The following ZPBP variants were observed in gnomAD, a reference collection of about 807,000 sequenced individuals.
The protein encoded by ZPBP is zona pellucida binding protein.
In ZPBP, 26 loss-of-function variants were observed where a neutral mutation model predicts 44.8. That is an observed-to-expected ratio of 0.58 (90% CI 0.43 to 0.81). ZPBP has a LOEUF of 0.81. Among genes scored for constraint, ZPBP ranks in the 30% least tolerant of loss-of-function variants. The pLI is 0.00. For missense variants in ZPBP, 409 were observed against 434.0 expected (o/e 0.94, Z 0.51); for synonymous variants, 174 against 153.2 (o/e 1.14, Z -1.00).
At chr7:49,842,419 T>C in the ZPBP span, among the ~76,000 whole-genome samples, 3 of 152,220 alleles carry the variant, frequency 2.0e-5, no homozygotes, top group Non-Finnish European at 4.4e-5. Context: ...TTAGGTATGA[T>C]AGTTTACTGA....
At chr7:49,959,961 T>A (rs1357626535) in intron 7 of ZPBP, among the ~76,000 whole-genome samples, 1 of 152,226 alleles carries the variant, frequency 6.6e-6, no homozygotes, top group Non-Finnish European at 1.5e-5. Flanking sequence ...AGAGGCAACA[T>A]GGCATTTTAA....
chr7:50,066,842 T>C (rs1472703454), intron 3 of ZPBP, among the ~76,000 whole-genome samples: 1 of 152,180 alleles, frequency 6.6e-6, no homozygotes, highest in Non-Finnish European at 1.5e-5. Flanking sequence ...GCAGTTGTCC[T>C]TACCAGTGGC....
At chr7:49,845,316 T>C in the ZPBP span, among the ~76,000 whole-genome samples, 717 of 152,254 alleles carry the variant, frequency 4.7e-3, 5 homozygotes, top group African/African-American at 0.016. Context: ...TGATAGATGA[T>C]TTAAATATAC....
At chr7:49,972,908 GA>G (rs538283983) in intron 7 of ZPBP, among the ~76,000 whole-genome samples, 16 of 147,854 alleles carry the variant, frequency 1.1e-4, no homozygotes, top group Admixed American at 9.5e-4. Flanking sequence ...AGAGGGCCCA[GA>G]AAAAAAAAAC....
chr7:50,080,896 C>T (rs552969424), intron 3 of ZPBP, among the ~76,000 whole-genome samples: 1 of 151,598 alleles, frequency 6.6e-6, no homozygotes, highest in Non-Finnish European at 1.5e-5. Flanking sequence ...CCTAGCACAG[C>T]GGCTTCCACC....
intron 2 of ZPBP, among the ~76,000 whole-genome samples, chr7:49,870,278 T>C (rs1341633811): frequency 2.6e-5 from 4 of 152,146 alleles, no homozygotes. Context: ...CGGGCGCCTG[T>C]AGTCCCAGCT....
intron 7 of ZPBP, among the ~76,000 whole-genome samples, chr7:49,974,434 A>C (rs1234910437): frequency 6.6e-6 from 1 of 152,170 alleles, no homozygotes; most frequent in Non-Finnish European, 1.5e-5. Context: ...AAAAATAATG[A>C]GGGTATATTG....
At chr7:49,929,931 T>C (rs1425267285) in intron 1 of ZPBP, among the ~76,000 whole-genome samples, 2 of 152,238 alleles carry the variant, frequency 1.3e-5, no homozygotes, top group African/African-American at 2.4e-5. Flanking sequence ...TTCAAAGTCC[T>C]TGTCCCCTTT....
chr7:50,030,501 TA>T (rs11368628), intron 5 of ZPBP, among the ~76,000 whole-genome samples: 3 of 149,870 alleles, frequency 2.0e-5, no homozygotes, highest in East Asian at 2.0e-4. Flanking sequence ...AATAATAATT[TA>T]AAAAAAAACC....
intron 4 of ZPBP, among the ~76,000 whole-genome samples, chr7:50,039,231 G>A (rs562508108): frequency 2.8e-4 from 42 of 152,120 alleles, no homozygotes; most frequent in African/African-American, 9.9e-4. Flanking sequence ...TATAAAGACT[G>A]ATATTATAAA....
intron 1 of ZPBP, among the ~76,000 whole-genome samples, chr7:49,904,254 G>A (rs935927959): frequency 2.6e-5 from 4 of 152,038 alleles, no homozygotes; most frequent in African/African-American, 9.7e-5. Context: ...AAGCTTTACC[G>A]AGGACTCCCA....
At chr7:49,855,762 C>T (rs1790392989) in intron 2 of ZPBP, among the ~76,000 whole-genome samples, 1 of 152,130 alleles carries the variant, frequency 6.6e-6, no homozygotes, top group Admixed American at 6.5e-5. Flanking sequence ...TCCCTGCCTC[C>T]CCAGAAGCCA....
chr7:50,050,517 G>A (rs553645763), intron 4 of ZPBP, among the ~76,000 whole-genome samples: 2 of 151,858 alleles, frequency 1.3e-5, no homozygotes, highest in African/African-American at 4.8e-5. Context: ...ACCTTTTCAG[G>A]AAATAATATT....
At chr7:49,869,818 G>A (rs1791062675) in intron 2 of ZPBP, among the ~76,000 whole-genome samples, 1 of 152,036 alleles carries the variant, frequency 6.6e-6, no homozygotes, top group African/African-American at 2.4e-5. Flanking sequence ...GTACATATAT[G>A]TTTTTTCATA....
intron 4 of ZPBP, among the ~76,000 whole-genome samples, chr7:50,040,746 G>A (rs960902602): frequency 1.3e-5 from 2 of 152,136 alleles, no homozygotes; most frequent in African/African-American, 2.4e-5. Flanking sequence ...GGCAGACACC[G>A]AGTGAGCTGC....
chr7:49,885,748 C>T (rs967667473), intron 2 of ZPBP, among the ~76,000 whole-genome samples: 19 of 152,184 alleles, frequency 1.2e-4, no homozygotes, highest in African/African-American at 4.3e-4. Context: ...ATTTTAGATG[C>T]GGTTAAAGTA....
intron 1 of ZPBP, 34 bp from the exon 2 acceptor site, chr7:50,089,743 T>C (rs376635051): frequency 1.3e-6 from 2 of 1,513,356 alleles, no homozygotes; most frequent in Non-Finnish European, 9.1e-7. Context: ...TTTGTCTCAT[T>C]AGATATTCTA....
At chr7:49,989,584 AG>A (rs1422235641) in intron 6 of ZPBP, among the ~76,000 whole-genome samples, 2 of 152,208 alleles carry the variant, frequency 1.3e-5, no homozygotes, top group Admixed American at 6.5e-5. Flanking sequence ...AATGAGGACT[AG>A]AGAGAGAGAA....
In ZPBP at chr7:49,981,323, ATATAT is replaced by A. The variant is rs1349976526; in HGVS notation, c.961+2014_961+2018del. Among the ~76,000 whole-genome samples the A allele has an allele frequency of 2.8e-4, 13 of 47,038 alleles. No individual in the cohort carries two copies. The East Asian group carries it at 3.6e-3, about 13-fold the overall frequency. The allele number at this position is 47,038 out of a possible 152,430, so 30.9% of individuals were successfully genotyped here. On this transcript the variant is annotated intron_variant, in intron 7 of 7. Transcript: ENST00000046087. ...TATATATAATTATATATTATATAAT[ATATAT>A]TATAATTATATATATTATATAATAT...
Sources: allele counts gnomAD v4.1 joint callset (sites outside exome capture counted in the v4.1 genomes callset), GRCh38; gene constraint gnomAD v4.1.1; transcripts MANE v1.5; gene names NCBI Gene and HGNC (gene_info 2026-07-23, HGNC 2026-07-21).